Variants in TUB observed in about 807,000 individuals in gnomAD.
TUB encodes TUB bipartite transcription factor, also known as tubby protein homolog.
In TUB, 33 loss-of-function variants were observed where a neutral mutation model predicts 59.7. That is an observed-to-expected ratio of 0.55 (90% CI 0.42 to 0.74). The LOEUF (loss-of-function observed/expected upper bound fraction) is 0.74, where lower values mean the gene tolerates loss of function less well. Among genes scored for constraint, TUB ranks in the 30% least tolerant of loss-of-function variants. The pLI, the probability that TUB is intolerant of heterozygous loss-of-function variation, is 0.00. For synonymous variants in TUB, 293 were observed against 256.4 expected (o/e 1.14, Z -1.36); for missense variants, 659 against 672.0 (o/e 0.98, Z 0.21).
chr11:8,058,582 C>T (rs1415304792), intron 2 of TUB, among the ~76,000 whole-genome samples: 1 of 152,162 alleles, frequency 6.6e-6, no homozygotes, highest in Non-Finnish European at 1.5e-5. Flanking sequence ...TATAGTTGCT[C>T]CATGGTGAAT....
intron 6 of TUB, 91 bp from the exon 7 acceptor site, chr11:8,097,137 G>A (rs564660121): frequency 2.1e-5 from 30 of 1,438,464 alleles, no homozygotes; most frequent in Middle Eastern, 4.9e-4. Flanking sequence ...CTCTCCCACC[G>A]CCACGTTAGG....
Position 8,106,028 on chromosome 11 carries a change from T to A in TUB, c.*4409T>A, listed in dbSNP as rs528513354. Reference sequence around the variant, plus strand: ...GGAGTGGTCAGACATTTTATTTTTGTTCAAGATTATCTGGCGTTTTAGACA... The same window carrying A: ...GGAGTGGTCAGACATTTTATTTTTGATCAAGATTATCTGGCGTTTTAGACA... On this transcript the variant is annotated 3_prime_UTR_variant, in exon 12 of 12. Transcript: ENST00000299506. 4 of 152,256 alleles carry A rather than the reference T, an allele frequency of 2.6e-5. No individual in the cohort carries two copies. The highest frequency in any genetic ancestry group is 2.9e-5 in the Non-Finnish European group (2 of 68,056). The allele number at this position is 152,256 out of a possible 1,614,324, so 9.4% of individuals were successfully genotyped here.
chr11:8,097,639 CT>C, intron 7 of TUB, 74 bp from the exon 8 acceptor site: 1 of 1,383,210 alleles, frequency 7.2e-7, no homozygotes, highest in Non-Finnish European at 1.0e-6. Flanking sequence ...CGGAGAGAGT[CT>C]GTGTGAGTGG....
At chr11:8,068,485 G>A (rs1440028542) in intron 2 of TUB, 1 of 152,320 alleles carries the variant, frequency 6.6e-6, no homozygotes, top group Non-Finnish European at 1.5e-5. Context: ...CCCTGTTCCA[G>A]ACCAACTTCC....
intron 1 of TUB, among the ~76,000 whole-genome samples, chr11:8,022,930 CAAA>C (rs1049023115): frequency 1.1e-3 from 160 of 152,200 alleles, no homozygotes; most frequent in African/African-American, 3.7e-3. Flanking sequence ...AACACACAAA[CAAA>C]AACAAAACAA....
intron 10 of TUB, 33 bp from the exon 11 acceptor site, chr11:8,100,793 C>T (rs1214564161): frequency 1.2e-6 from 2 of 1,610,784 alleles, no homozygotes; most frequent in Admixed American, 1.7e-5. Context: ...TGCCAAAGGC[C>T]TGGGCCTGGC....
chr11:8,053,090 C>G (rs762201210), intron 2 of TUB, among the ~76,000 whole-genome samples: 57 of 152,080 alleles, frequency 3.7e-4, no homozygotes, highest in Admixed American at 1.7e-3. Flanking sequence ...TTCTTTTAAC[C>G]AAAAATGAGT....
At position 8,100,489 on chromosome 11, in the gene TUB, G is replaced by A. The variant is rs372770177; in HGVS notation, c.1117-14G>A. 3.8e-5 allele frequency: 61 copies of A among 1,611,400 alleles called. No homozygotes were observed. The highest frequency in any genetic ancestry group is 3.1e-4 in the East Asian group (14 of 44,870). On this transcript the variant is annotated splice_polypyrimidine_tract_variant and intron_variant, in intron 9 of 11. Transcript: ENST00000299506. ...AGACGCCTCAGGTGGCCAGTGTTGC[G>A]TTCTCTTTCCCAGGAGACAAACGTC...
chr11:8,089,801 C>G (rs1943736852), intron 2 of TUB, 140 bp downstream of exon 2: 2 of 1,228,956 alleles, frequency 1.6e-6, no homozygotes, highest in Non-Finnish European at 2.3e-6. Flanking sequence ...GAGAGGTGCA[C>G]TCTCTCCCAG....
chr11:8,060,553 A>G (rs1943103516), intron 2 of TUB, among the ~76,000 whole-genome samples: 1 of 152,174 alleles, frequency 6.6e-6, no homozygotes, highest in Admixed American at 6.5e-5. Context: ...AAGCTGGACC[A>G]TACCAGTGAT....
intron 2 of TUB, among the ~76,000 whole-genome samples, chr11:8,049,217 G>A (rs1335575918): frequency 6.6e-6 from 1 of 152,038 alleles, no homozygotes; most frequent in Non-Finnish European, 1.5e-5. Context: ...CCTAACCCAA[G>A]GGGACTTTCA....
At chr11:8,066,560 G>A (rs1943245869) in intron 2 of TUB, among the ~76,000 whole-genome samples, 1 of 152,130 alleles carries the variant, frequency 6.6e-6, no homozygotes, top group African/African-American at 2.4e-5. Context: ...AGAGAGAGAG[G>A]CTGAAGCTGC....
At chr11:8,081,972 A>G (rs934535484) in intron 1 of TUB, among the ~76,000 whole-genome samples, 1 of 152,192 alleles carries the variant, frequency 6.6e-6, no homozygotes, top group African/African-American at 2.4e-5. Flanking sequence ...GTCGGTTCAC[A>G]CTCTCAAAGC....
At position 8,106,015 on chromosome 11, in the gene TUB, C is replaced by T. The variant is rs369821696; in HGVS notation, c.*4396C>T. 35 of 151,890 alleles carry T rather than the reference C, an allele frequency of 2.3e-4. No individual in the cohort carries two copies. Among genetic ancestry groups the T allele is most frequent in the African/African-American group, 8.4e-4 (35 of 41,558 alleles). 9.4% of individuals were successfully genotyped at this position (151,890 alleles called of 1,614,324 possible). A position where few individuals can be genotyped will look rare whatever the true frequency, so the allele number is the denominator to read the frequency against. ...CTTTTCCTATTTTGGAGTGGTCAGA[C>T]ATTTTATTTTTGTTCAAGATTATCT... is the stretch of plus-strand genomic sequence containing the variant. On this transcript the variant is annotated 3_prime_UTR_variant, in exon 12 of 12. Transcript: ENST00000299506.
chr11:8,065,696 T>C (rs1943226302), intron 2 of TUB, among the ~76,000 whole-genome samples: 1 of 152,134 alleles, frequency 6.6e-6, no homozygotes, highest in Admixed American at 6.5e-5. Context: ...CAGCATGCCC[T>C]CTGGTAAGCC....
rs547625885 is a variant in TUB, at chr11:8,101,907, C to T, written c.*288C>T. On this transcript the variant is annotated 3_prime_UTR_variant, in exon 12 of 12. Coordinates refer to ENST00000299506, the MANE Select transcript of TUB (RefSeq NM_177972.3). ...CCTTGGGGTAGTAGTGTGTTGTAGT[C>T]GTACTTACCAAGCTGAGCAACCTCT... is the stretch of plus-strand genomic sequence containing the variant. 8.8e-4 allele frequency: 355 copies of T among 402,152 alleles called. 3 individuals are homozygous for T. Among genetic ancestry groups the T allele is most frequent in the Middle Eastern group, 1.4e-3 (2 of 1,470 alleles). 24.9% of individuals were successfully genotyped at this position (402,152 alleles called of 1,614,324 possible).
Position 8,095,498 on chromosome 11 carries a change from G to A in TUB, c.398G>A (p.Gly133Asp). ...ACTCAGGCGTGTCCGTGGCCTGCAG[G>A]CACCAGCGGGCCAGCAGCACTGGCA... ...ARKEKKGKHK[G>D]TSGPAALAED... is the part of the protein sequence containing the mutation. Residue 133 changes from glycine to aspartate, a missense_variant and splice_region_variant, in exon 5 of 12, where the codon GGC (glycine) becomes GAC (aspartate). Gly to Asp is a moderately conservative substitution (Grantham distance 94). Around this residue, in one of 3 missense-constraint regions of TUB, gnomAD observed 321 missense variants for 304.3 expected, o/e 1.05. Coordinates refer to ENST00000299506, the MANE Select transcript of TUB (RefSeq NM_177972.3). The A allele has an allele frequency of 6.2e-7, 1 of 1,606,960 alleles. No individual in the cohort carries two copies. Among genetic ancestry groups the A allele is most frequent in the Non-Finnish European group, 8.5e-7 (1 of 1,175,744 alleles).
chr11:8,090,209 C>T lies in TUB; in HGVS notation c.231C>T (p.Ser77=). The change falls in exon 3 of 12, where the codon AGC becomes AGT. Residue 77 remains serine (S), a synonymous_variant. Transcript: ENST00000299506. ...CCCTGGTGGAGTCCTACCTCAGCAG[C>T]AGTGGCAGCACCAGCTACCAAGGTA... ...QAPLVESYLS[S]SGSTSYQVQE... 6.2e-7 allele frequency: 1 copy of T among 1,613,702 alleles called. No individual in the cohort carries two copies. Among genetic ancestry groups the T allele is most frequent in the Non-Finnish European group, 8.5e-7 (1 of 1,179,952 alleles).
chr11:8,099,214 T>C (rs1290703112), intron 9 of TUB, among the ~76,000 whole-genome samples: 1 of 151,888 alleles, frequency 6.6e-6, no homozygotes, highest in Non-Finnish European at 1.5e-5. Context: ...TGCCAGGTTC[T>C]ACATGGATTA....
Sources: gnomAD v4.1 joint callset for allele counts (sites outside exome capture counted in the v4.1 genomes callset) on GRCh38, gnomAD v4.1.1 for gene constraint, gnomAD v4.1.1 regional missense constraint, MANE v1.5 for transcripts, NCBI Gene and HGNC (gene_info 2026-07-23, HGNC 2026-07-21) for gene names.